Variants in ITGA9 observed in about 807,000 individuals in gnomAD.
The protein encoded by ITGA9 is integrin alpha-9.
A neutral mutation model predicts 127.8 loss-of-function variants in ITGA9; 56 were observed. That is an observed-to-expected ratio of 0.44 (90% CI 0.35 to 0.55). The LOEUF (loss-of-function observed/expected upper bound fraction) is 0.55. Ranked by LOEUF, ITGA9 falls within the 20% of genes least tolerant of loss-of-function variation. The probability of loss-of-function intolerance (pLI) is 0.00; values close to 1 mark genes in which losing one functional copy is unlikely to be tolerated. For missense variants in ITGA9, 1,196 were observed against 1,347.1 expected, an observed-to-expected ratio of 0.89 and a Z score of 1.76; for synonymous variants, 508 against 514.5, an observed-to-expected ratio of 0.99 and a Z score of 0.17.
intron 17 of ITGA9, among the ~76,000 whole-genome samples, chr3:37,677,111 C>T (rs1308578388): frequency 6.6e-6 from 1 of 152,194 alleles, no homozygotes; most frequent in African/African-American, 2.4e-5. Flanking sequence ...TTATCAACTT[C>T]ATGGTTTATT....
chr3:37,528,588 C>T (rs1456601138), intron 13 of ITGA9, among the ~76,000 whole-genome samples: 1 of 152,122 alleles, frequency 6.6e-6, no homozygotes, highest in Non-Finnish European at 1.5e-5. Context: ...AGCCATGCAT[C>T]AGATCCTGGG....
At chr3:37,782,817 T>C (rs551957378) in intron 25 of ITGA9, among the ~76,000 whole-genome samples, 88 of 152,356 alleles carry the variant, frequency 5.8e-4, no homozygotes, top group Middle Eastern at 3.4e-3. Flanking sequence ...TAACAAGTTT[T>C]CATTTGAAAT....
chr3:37,453,130 C>A (rs1226387388), intron 1 of ITGA9, among the ~76,000 whole-genome samples: 5 of 140,512 alleles, frequency 3.6e-5, no homozygotes, highest in South Asian at 2.3e-4. Context: ...CCCCCCCCCC[C>A]AGCTCCTACA....
intron 18 of ITGA9, among the ~76,000 whole-genome samples, chr3:37,725,494 G>C (rs537484159): frequency 7.4e-4 from 112 of 152,314 alleles, no homozygotes; most frequent in African/African-American, 2.7e-3. Context: ...AGTTGGGTCA[G>C]GAGAAGGAAG....
intron 13 of ITGA9, among the ~76,000 whole-genome samples, chr3:37,532,749 C>G (rs1349919078): frequency 6.6e-6 from 1 of 152,202 alleles, no homozygotes; most frequent in Non-Finnish European, 1.5e-5. Flanking sequence ...TGCCCTGAAG[C>G]ACTTTGCTAT....
chr3:37,665,947 C>A (rs776270250), intron 17 of ITGA9, among the ~76,000 whole-genome samples: 3 of 152,192 alleles, frequency 2.0e-5, no homozygotes, highest in Non-Finnish European at 2.9e-5. Flanking sequence ...GTGACATGCC[C>A]TTCCAGAGAG....
intron 21 of ITGA9, 26 bp downstream of exon 21, chr3:37,741,845 A>G: frequency 1.3e-6 from 2 of 1,568,300 alleles, no homozygotes; most frequent in Non-Finnish European, 1.8e-6. Flanking sequence ...CTGGGTTGCC[A>G]CAACACAGGA....
At chr3:37,480,005 A>G (rs891221695) in intron 3 of ITGA9, among the ~76,000 whole-genome samples, 10 of 152,208 alleles carry the variant, frequency 6.6e-5, no homozygotes, top group African/African-American at 2.2e-4. Context: ...ATTATTTTCA[A>G]AAGCAATATT....
chr3:37,780,462 C>T (rs995777088), intron 25 of ITGA9, among the ~76,000 whole-genome samples: 3 of 152,126 alleles, frequency 2.0e-5, no homozygotes, highest in Non-Finnish European at 2.9e-5. Context: ...TCATTTCCAT[C>T]CATGTTGCTG....
At chr3:37,736,037 T>C (rs1210050121) in intron 19 of ITGA9, among the ~76,000 whole-genome samples, 1 of 152,232 alleles carries the variant, frequency 6.6e-6, no homozygotes, top group African/African-American at 2.4e-5. Context: ...GAACCTTCTC[T>C]ATGTGTGCCC....
At chr3:37,468,226 C>T (rs1045960478) in intron 1 of ITGA9, among the ~76,000 whole-genome samples, 1 of 152,014 alleles carries the variant, frequency 6.6e-6, no homozygotes, top group Non-Finnish European at 1.5e-5. Flanking sequence ...TGGGTACCTG[C>T]ACCATTGGGA....
chr3:37,590,502 T>C (rs1274424774), intron 15 of ITGA9, among the ~76,000 whole-genome samples: 3 of 152,138 alleles, frequency 2.0e-5, no homozygotes. Context: ...CGAAGACACA[T>C]TGTTCCTGTG....
chr3:37,755,686 CA>C lies in ITGA9; in HGVS notation c.2541+5123del, dbSNP rs373048437. ...TTTCTGAGAATGTATTGCAGAAGAA[CA>C]AAAAAGCCAGTTAAACTTATTCCTT... On this transcript the variant is annotated intron_variant, in intron 23 of 27. Coordinates refer to ENST00000264741, the MANE Select transcript of ITGA9 (RefSeq NM_002207.3). Among the ~76,000 whole-genome samples, 990 of 151,778 alleles carry C rather than the reference CA, an allele frequency of 6.5e-3. 10 individuals carry two copies. Among genetic ancestry groups the C allele is most frequent in the Non-Finnish European group, 0.012 (797 of 67,886 alleles).
chr3:37,634,929 A>G (rs1435683832), intron 16 of ITGA9, among the ~76,000 whole-genome samples: 4 of 152,234 alleles, frequency 2.6e-5, no homozygotes, highest in Non-Finnish European at 4.4e-5. Context: ...ACTTGAAATA[A>G]TTAACAGGAG....
Position 37,464,912 on chromosome 3 carries a change from T to G in ITGA9, c.186-6095T>G, listed in dbSNP as rs184638666. Among the ~76,000 whole-genome samples the G allele has an allele frequency of 2.7e-3, 406 of 152,328 alleles. 10 individuals carry two copies. The highest frequency in any genetic ancestry group is 0.025 in the Admixed American group (376 of 15,312). On this transcript the variant is annotated intron_variant, in intron 1 of 27. Coordinates refer to ENST00000264741, the MANE Select transcript of ITGA9 (RefSeq NM_002207.3). ...GCTATCCTGGCACCAGCTCTTCCTTTACTCAAGCCTGGGCTGCTTTCTGCC... is the reference window on the plus strand; with the variant it reads ...GCTATCCTGGCACCAGCTCTTCCTTGACTCAAGCCTGGGCTGCTTTCTGCC...
rs189158923 is a variant in ITGA9, at chr3:37,724,564, C to A, written c.2068-8148C>A. 2.6e-5 allele frequency among the ~76,000 whole-genome samples: 4 copies of A among 152,116 alleles called. No individual in the cohort carries two copies. The South Asian group carries it at 8.3e-4, about 31-fold the overall frequency. ...AGCCTAGAGTGCAATGGTGCAAACT[C>A]GGCTTACTGCAACCTCTGCCTCCTG... On this transcript the variant is annotated intron_variant, in intron 18 of 27. Transcript: ENST00000264741.
At chr3:37,709,551 G>A (rs545903479) in intron 18 of ITGA9, among the ~76,000 whole-genome samples, 1 of 152,358 alleles carries the variant, frequency 6.6e-6, no homozygotes, top group East Asian at 1.9e-4. Context: ...GTGTGAGGAA[G>A]GGGAGAGCCA....
chr3:37,633,596 T>C (rs893143751), intron 16 of ITGA9, among the ~76,000 whole-genome samples: 3 of 152,182 alleles, frequency 2.0e-5, no homozygotes, highest in African/African-American at 7.2e-5. Flanking sequence ...ACACTGGACC[T>C]AAAGAATATT....
At chr3:37,558,274 G>A (rs1414631133) in intron 15 of ITGA9, among the ~76,000 whole-genome samples, 1 of 152,174 alleles carries the variant, frequency 6.6e-6, no homozygotes, top group Non-Finnish European at 1.5e-5. Context: ...AGAGCTTGAA[G>A]TCTGGTCCAT....
Sources: allele counts gnomAD v4.1 joint callset (sites outside exome capture counted in the v4.1 genomes callset), GRCh38; gene constraint gnomAD v4.1.1; transcripts MANE v1.5; gene names NCBI Gene and HGNC (gene_info 2026-07-23, HGNC 2026-07-21).